The following RGPD5 variants were observed in gnomAD, a reference collection of about 807,000 sequenced individuals.
RGPD5 encodes the protein RANBP2-like and GRIP domain-containing protein 5/6.
chr2:109,773,361 CG>C, the RGPD5 span, among the ~76,000 whole-genome samples: 1 of 133,696 alleles, frequency 7.5e-6, no homozygotes, highest in Admixed American at 7.6e-5. Context: ...GGCGGCTATG[CG>C]TGTTCCCACT....
the RGPD5 span, among the ~76,000 whole-genome samples, chr2:109,778,485 C>A: frequency 6.7e-6 from 1 of 149,888 alleles, no homozygotes; most frequent in South Asian, 2.1e-4. Context: ...GTTTAGTAGC[C>A]AGGCATTGGA....
chr2:109,794,702 G>C (rs1573998322), intron 1 of RGPD5, 165 bp downstream of exon 1: 1 of 728,120 alleles, frequency 1.4e-6, no homozygotes, highest in East Asian at 1.9e-4. Flanking sequence ...GGCGCCGGCC[G>C]GCTGGCGCAG....
At chr2:109,794,607 G>GTCTCGGCCCGGC (rs1676865582) in intron 1 of RGPD5, 70 bp downstream of exon 1, 1 of 480,270 alleles carries the variant, frequency 2.1e-6, no homozygotes, top group Non-Finnish European at 2.4e-6. Context: ...GGCGGCGGCG[G>GTCTCGGCCCGGC]CGGGGGGGGC....
the RGPD5 span, among the ~76,000 whole-genome samples, chr2:109,765,947 C>T: frequency 1.3e-5 from 2 of 150,434 alleles, no homozygotes; most frequent in Admixed American, 1.3e-4. Context: ...CCTCCAGCTG[C>T]AGTAAAGCAA....
chr2:109,765,453 C>G, the RGPD5 span, among the ~76,000 whole-genome samples: 9 of 150,314 alleles, frequency 6.0e-5, no homozygotes, highest in Admixed American at 6.1e-4. Flanking sequence ...GTACAGGATG[C>G]AAAGGACAGT....
the RGPD5 span, among the ~76,000 whole-genome samples, chr2:109,777,199 A>AG: frequency 7.0e-6 from 1 of 142,224 alleles, no homozygotes; most frequent in African/African-American, 2.6e-5. Flanking sequence ...GCCCTTTATC[A>AG]GGTTAAGGAA....
chr2:109,764,678 C>T, the RGPD5 span, among the ~76,000 whole-genome samples: 6 of 146,628 alleles, frequency 4.1e-5, no homozygotes, highest in Non-Finnish European at 8.9e-5. Flanking sequence ...AATTAAAAAA[C>T]AAAGGCTTCC....
chr2:109,794,857 C>G, intron 1 of RGPD5: 1 of 140,750 alleles, frequency 7.1e-6, no homozygotes, highest in Non-Finnish European at 8.6e-6. Context: ...CTGGGCCCGT[C>G]CTGGCCCGGG....
chr2:109,767,086 C>T, the RGPD5 span, among the ~76,000 whole-genome samples: 1 of 143,840 alleles, frequency 7.0e-6, no homozygotes, highest in African/African-American at 2.6e-5. Context: ...AATGACAGCA[C>T]TTAGACTGGC....
chr2:109,764,126 G>A, the RGPD5 span, among the ~76,000 whole-genome samples: 1 of 149,582 alleles, frequency 6.7e-6, no homozygotes, highest in African/African-American at 2.5e-5. Flanking sequence ...AGTTGAAAAG[G>A]ATGGCCCTAA....
At chr2:109,766,151 T>C in the RGPD5 span, among the ~76,000 whole-genome samples, 2 of 150,828 alleles carry the variant, frequency 1.3e-5, no homozygotes, top group Non-Finnish European at 2.9e-5. Context: ...GTGGCTCTCA[T>C]TGGCCCTCAG....
chr2:109,778,223 G>A, the RGPD5 span, among the ~76,000 whole-genome samples: 2 of 137,572 alleles, frequency 1.5e-5, no homozygotes, highest in East Asian at 4.4e-4. Flanking sequence ...GAAGTGTAAG[G>A]CCCTAGGGTT....
At chr2:109,794,681 C>T (rs1468083352) in intron 1 of RGPD5, 144 bp downstream of exon 1, 1 of 718,418 alleles carries the variant, frequency 1.4e-6, no homozygotes, top group African/African-American at 2.6e-5. Context: ...CTCCGTGGCG[C>T]GCTCTGTTGA....
At chr2:109,763,100 T>C in the RGPD5 span, among the ~76,000 whole-genome samples, 2 of 150,232 alleles carry the variant, frequency 1.3e-5, no homozygotes, top group Non-Finnish European at 2.9e-5. Context: ...TTGAGTCTCT[T>C]AATCCTGGAA....
the RGPD5 span, among the ~76,000 whole-genome samples, chr2:109,771,575 A>G: frequency 1.4e-3 from 43 of 30,150 alleles, 5 homozygotes; most frequent in Non-Finnish European, 2.1e-4. Context: ...TTGAGAACCA[A>G]TCCTTGTAAG....
chr2:109,777,366 T>C, the RGPD5 span, among the ~76,000 whole-genome samples: 1 of 146,508 alleles, frequency 6.8e-6, no homozygotes, highest in Non-Finnish European at 1.5e-5. Context: ...TAATATACTT[T>C]TATATACTTT....
chr2:109,763,773 T>C, the RGPD5 span, among the ~76,000 whole-genome samples: 132 of 150,312 alleles, frequency 8.8e-4, 6 homozygotes, highest in Admixed American at 2.2e-3. Flanking sequence ...CAAAAGAGAA[T>C]CTTATTTTAA....
the RGPD5 span, among the ~76,000 whole-genome samples, chr2:109,762,352 C>T: frequency 6.7e-6 from 1 of 150,252 alleles, no homozygotes; most frequent in African/African-American, 2.4e-5. Flanking sequence ...GTTTCTGGCG[C>T]AAATTCAATA....
At chr2:109,763,875 A>G in the RGPD5 span, among the ~76,000 whole-genome samples, 2 of 148,346 alleles carry the variant, frequency 1.3e-5, 1 homozygote, top group African/African-American at 5.0e-5. Flanking sequence ...AATCTGAGCT[A>G]GTTTATTCTT....
Sources: gnomAD v4.1 joint callset for allele counts (sites outside exome capture counted in the v4.1 genomes callset) on GRCh38, gnomAD v4.1.1 for gene constraint, MANE v1.5 for transcripts, NCBI Gene and HGNC (gene_info 2026-07-23, HGNC 2026-07-21) for gene names.